Variants in KLRG1 observed in about 807,000 individuals in gnomAD.
KLRG1 encodes the protein killer cell lectin like receptor G1.
KLRG1 carries 16 observed loss-of-function variants against 21.8 expected under a neutral mutation model. That is an observed-to-expected ratio of 0.73 (90% CI 0.50 to 1.11). The LOEUF (loss-of-function observed/expected upper bound fraction) is 1.11, where lower values mean the gene tolerates loss of function less well. Ranked by LOEUF, KLRG1 falls within the 50% of genes most tolerant of loss-of-function variation. The pLI is 0.00. For synonymous variants in KLRG1, 69 were observed against 75.9 expected (o/e 0.91, Z 0.47); for missense variants, 173 against 218.3 (o/e 0.79, Z 1.31).
the KLRG1 span, among the ~76,000 whole-genome samples, chr12:9,212,738 G>GA: frequency 0.31 from 46,619 of 148,080 alleles, 7,731 homozygotes; most frequent in East Asian, 0.43. Context: ...CATTGAATCT[G>GA]AAAAAAAAAA....
At chr12:9,203,939 C>T in the KLRG1 span, 1 of 1,611,182 alleles carries the variant, frequency 6.2e-7, no homozygotes, top group Non-Finnish European at 8.5e-7. Context: ...AGGGGACCAG[C>T]ACCATATACT....
intron 2 of KLRG1, among the ~76,000 whole-genome samples, chr12:8,994,392 T>C (rs1947068054): frequency 6.6e-6 from 1 of 152,188 alleles, no homozygotes; most frequent in South Asian, 2.1e-4. Flanking sequence ...GACAGAACTA[T>C]GAACCAACCA....
At chr12:9,153,043 T>C in the KLRG1 span, 1 of 1,604,822 alleles carries the variant, frequency 6.2e-7, no homozygotes, top group Non-Finnish European at 8.5e-7. Context: ...CCTTTTACTT[T>C]CCCAGGAAGG....
upstream of KLRG1, among the ~76,000 whole-genome samples, chr12:8,989,277 A>T (rs1946899526): frequency 6.6e-6 from 1 of 152,170 alleles, no homozygotes; most frequent in African/African-American, 2.4e-5. Context: ...GCAGAGAAAA[A>T]ATTCCGAGAG....
At chr12:8,952,644 T>C (rs759483342) in intron 1 of KLRG1, among the ~76,000 whole-genome samples, 1 of 152,352 alleles carries the variant, frequency 6.6e-6, no homozygotes, top group East Asian at 1.9e-4. Context: ...TTCATCTTTT[T>C]CCCCTCCATA....
the KLRG1 span, among the ~76,000 whole-genome samples, chr12:9,147,038 G>A: frequency 6.6e-6 from 1 of 152,216 alleles, no homozygotes; most frequent in Middle Eastern, 3.2e-3. Flanking sequence ...CTTCCAAGGT[G>A]GGGCTAGACT....
Position 8,983,165 on chromosome 12 carries a change from T to C in KLRG1, c.-155-9041T>C, listed in dbSNP as rs759472528. Among the ~76,000 whole-genome samples the C allele has an allele frequency of 1.1e-4, 16 of 152,282 alleles. 1 individual carries two copies. The South Asian group carries it at 3.1e-3, about 30-fold the overall frequency. Reference sequence around the variant, plus strand: ...GAAAATAAATATAATTCTTTATATGTACTTATATATTTACCATTTCTGTTG... The same window carrying C: ...GAAAATAAATATAATTCTTTATATGCACTTATATATTTACCATTTCTGTTG... On this transcript the variant is annotated intron_variant, in intron 1 of 4. Coordinates refer to the KLRG1 transcript ENST00000539240.
the KLRG1 span, chr12:9,066,550 C>A: frequency 6.6e-6 from 1 of 152,382 alleles, no homozygotes; most frequent in African/African-American, 2.4e-5. Flanking sequence ...TCCCTTGGAT[C>A]CGGGATCCAG....
chr12:9,209,946 G>A, the KLRG1 span, among the ~76,000 whole-genome samples: 1 of 151,960 alleles, frequency 6.6e-6, no homozygotes, highest in Non-Finnish European at 1.5e-5. Flanking sequence ...GAATGTGGCC[G>A]AACCTGTTAC....
chr12:9,183,526 A>G, the KLRG1 span, among the ~76,000 whole-genome samples: 2 of 152,078 alleles, frequency 1.3e-5, no homozygotes, highest in Non-Finnish European at 2.9e-5. Context: ...CAGCCTCCCC[A>G]GTAGCTGGGA....
the KLRG1 span, among the ~76,000 whole-genome samples, chr12:9,205,298 C>T: frequency 6.6e-6 from 1 of 152,060 alleles, no homozygotes; most frequent in Non-Finnish European, 1.5e-5. Context: ...CTGTCACTTT[C>T]CAGAAGCCTC....
chr12:9,080,425 C>T, the KLRG1 span: 1 of 274,780 alleles, frequency 3.6e-6, no homozygotes, highest in Admixed American at 5.0e-5. Flanking sequence ...AATAAGACAA[C>T]AAATTGTAAG....
chr12:9,151,424 A>G, the KLRG1 span, among the ~76,000 whole-genome samples: 1 of 152,360 alleles, frequency 6.6e-6, no homozygotes, highest in African/African-American at 2.4e-5. Flanking sequence ...AATTAAAAAT[A>G]GAACAGAACA....
At chr12:8,980,930 C>T (rs1363183067) in intron 1 of KLRG1, among the ~76,000 whole-genome samples, 1 of 152,166 alleles carries the variant, frequency 6.6e-6, no homozygotes. Context: ...GATGGTATTC[C>T]TCTTGTCTTT....
chr12:9,074,348 C>T, the KLRG1 span, among the ~76,000 whole-genome samples: 138 of 152,250 alleles, frequency 9.1e-4, no homozygotes, highest in African/African-American at 3.1e-3. Context: ...GATAATAACA[C>T]AGCGATGGGG....
the KLRG1 span, chr12:9,072,352 G>A: frequency 1.2e-6 from 2 of 1,613,598 alleles, no homozygotes; most frequent in Non-Finnish European, 8.5e-7. Context: ...GAGTCAGAAG[G>A]TCTTACCTGA....
At chr12:9,097,790 G>A in the KLRG1 span, among the ~76,000 whole-genome samples, 3 of 151,974 alleles carry the variant, frequency 2.0e-5, no homozygotes, top group South Asian at 2.1e-4. Flanking sequence ...CCGCCACCAC[G>A]TCTGACTAAT....
the KLRG1 span, chr12:9,167,620 A>G: frequency 5.9e-5 from 9 of 152,204 alleles, no homozygotes; most frequent in Admixed American, 5.2e-4. Flanking sequence ...GTTCTTATCA[A>G]GAAATTTCAC....
chr12:8,985,444 G>T (rs970823613), upstream of KLRG1, among the ~76,000 whole-genome samples: 1 of 152,016 alleles, frequency 6.6e-6, no homozygotes, highest in Non-Finnish European at 1.5e-5. Flanking sequence ...ATTCAATTCC[G>T]ACATTATCTA....
Sources: allele counts gnomAD v4.1 joint callset (sites outside exome capture counted in the v4.1 genomes callset), GRCh38; gene constraint gnomAD v4.1.1; transcripts MANE v1.5; gene names NCBI Gene and HGNC (gene_info 2026-07-23, HGNC 2026-07-21).